The following GRIN2B variants were observed in gnomAD, a reference collection of about 807,000 sequenced individuals.
GRIN2B encodes glutamate receptor ionotropic, NMDA 2B.
In GRIN2B, 5 loss-of-function variants were observed where a neutral mutation model predicts 114.5. The ratio of observed to expected loss-of-function variants is 0.04; its 90% CI spans 0.02 to 0.09. The LOEUF (loss-of-function observed/expected upper bound fraction) is 0.09, where lower values mean the gene tolerates loss of function less well. GRIN2B is among the 10% of genes least tolerant of loss of function. The pLI is 1.00. For missense variants in GRIN2B, 1,108 were observed against 1,943.5 expected, an observed-to-expected ratio of 0.57 and a Z score of 8.08; for synonymous variants, 787 against 745.1, an observed-to-expected ratio of 1.06 and a Z score of -0.92.
chr12:13,863,969 T>A (rs1157245317), intron 3 of GRIN2B, among the ~76,000 whole-genome samples: 2 of 152,182 alleles, frequency 1.3e-5, no homozygotes, highest in African/African-American at 4.8e-5. Flanking sequence ...ACTGTTAAAA[T>A]AAAATATAAT....
At chr12:13,700,295 G>A (rs1283447581) in intron 4 of GRIN2B, among the ~76,000 whole-genome samples, 1 of 152,028 alleles carries the variant, frequency 6.6e-6, no homozygotes, top group Non-Finnish European at 1.5e-5. Flanking sequence ...CGCTAACTGT[G>A]GAATTTTTCT....
intron 5 of GRIN2B, among the ~76,000 whole-genome samples, chr12:13,622,677 G>C (rs1039631276): frequency 6.6e-6 from 1 of 152,010 alleles, no homozygotes; most frequent in African/African-American, 2.4e-5. Context: ...GCTGGCATCT[G>C]GCAAGGGCCT....
chr12:13,852,804 G>A (rs780980491), intron 3 of GRIN2B, among the ~76,000 whole-genome samples: 1 of 151,378 alleles, frequency 6.6e-6, no homozygotes, highest in African/African-American at 2.4e-5. Context: ...CTCCATCCAC[G>A]ATACTATACT....
chr12:13,887,865 C>T (rs1866192307), intron 2 of GRIN2B, among the ~76,000 whole-genome samples: 1 of 152,156 alleles, frequency 6.6e-6, no homozygotes, highest in African/African-American at 2.4e-5. Flanking sequence ...TGCTTGCCCT[C>T]TAAAATGGGA....
chr12:13,700,739 T>A (rs1033564809), intron 4 of GRIN2B, among the ~76,000 whole-genome samples: 7 of 152,184 alleles, frequency 4.6e-5, no homozygotes, highest in Admixed American at 4.6e-4. Context: ...AAGCTGTCCC[T>A]GTTGGGTCCT....
chr12:13,699,674 G>A (rs1039619474), intron 4 of GRIN2B, among the ~76,000 whole-genome samples: 25 of 151,404 alleles, frequency 1.7e-4, no homozygotes, highest in African/African-American at 2.7e-4. Flanking sequence ...TGCAACCTCC[G>A]CCTCCTGGGT....
chr12:13,864,217 C>T (rs1469866160), intron 3 of GRIN2B, among the ~76,000 whole-genome samples: 2 of 152,156 alleles, frequency 1.3e-5, no homozygotes, highest in African/African-American at 2.4e-5. Context: ...TTGACCTTTC[C>T]TAGACTGAAG....
At chr12:13,606,786 G>A (rs1949255313) in intron 10 of GRIN2B, among the ~76,000 whole-genome samples, 1 of 152,054 alleles carries the variant, frequency 6.6e-6, no homozygotes, top group Non-Finnish European at 1.5e-5. Context: ...AGATGTTGAT[G>A]AAGGAACAAT....
chr12:13,848,252 C>A (rs1282673067), intron 3 of GRIN2B, among the ~76,000 whole-genome samples: 3 of 152,160 alleles, frequency 2.0e-5, no homozygotes, highest in African/African-American at 7.2e-5. Context: ...AGTTAGAATA[C>A]AAATGCCCCT....
chr12:13,837,248 CCT>C (rs764901520), intron 3 of GRIN2B, among the ~76,000 whole-genome samples: 1 of 152,178 alleles, frequency 6.6e-6, no homozygotes, highest in Non-Finnish European at 1.5e-5. Context: ...CAAAACACAC[CCT>C]CTCTTGGCCC....
chr12:13,605,138 A>G (rs1170661411), intron 10 of GRIN2B, among the ~76,000 whole-genome samples: 1 of 150,642 alleles, frequency 6.6e-6, no homozygotes, highest in African/African-American at 2.5e-5. Context: ...AGGGTCAGAC[A>G]GAGGAATAGG....
At chr12:13,957,757 C>T (rs771281494) in intron 2 of GRIN2B, among the ~76,000 whole-genome samples, 9 of 152,172 alleles carry the variant, frequency 5.9e-5, no homozygotes, top group East Asian at 1.9e-4. Context: ...CCCTTGATGA[C>T]GATGCAGGCT....
chr12:13,802,816 T>G (rs970168645), intron 3 of GRIN2B, among the ~76,000 whole-genome samples: 1 of 152,186 alleles, frequency 6.6e-6, no homozygotes, highest in Admixed American at 6.5e-5. Context: ...ATCTGGTTAA[T>G]TTTTTCCTTG....
At chr12:13,824,738 C>G (rs1864998784) in intron 3 of GRIN2B, among the ~76,000 whole-genome samples, 1 of 151,730 alleles carries the variant, frequency 6.6e-6, no homozygotes, top group African/African-American at 2.4e-5. Flanking sequence ...TGCTTGTAAT[C>G]TCAGCTACTT....
intron 3 of GRIN2B, among the ~76,000 whole-genome samples, chr12:13,853,175 G>A (rs1431153304): frequency 6.6e-6 from 1 of 152,134 alleles, no homozygotes; most frequent in Non-Finnish European, 1.5e-5. Context: ...TTTCATTAAA[G>A]CATTCACCAC....
intron 10 of GRIN2B, among the ~76,000 whole-genome samples, chr12:13,594,946 G>A (rs531904674): frequency 8.5e-5 from 13 of 152,252 alleles, no homozygotes; most frequent in South Asian, 4.2e-4. Context: ...GCTGCCTAGC[G>A]GAAATGCCCC....
chr12:13,655,279 C>A (rs1429018708), intron 5 of GRIN2B, among the ~76,000 whole-genome samples: 1 of 152,162 alleles, frequency 6.6e-6, no homozygotes, highest in Non-Finnish European at 1.5e-5. Context: ...TCTTTTCAAG[C>A]TTGTTCTCCT....
Position 13,931,231 on chromosome 12 carries a change from T to C in GRIN2B, c.-19+48697A>G, listed in dbSNP as rs142562437. ...CATTTACTCACACTCTATTCTCCCT[T>C]TAATCCTCTACTGAAATTGCTTGCA... On this transcript the variant is annotated intron_variant, in intron 2 of 13. Coordinates refer to ENST00000609686, the MANE Select transcript of GRIN2B (RefSeq NM_000834.5). Among the ~76,000 whole-genome samples, 1,081 of 152,318 alleles carry C rather than the reference T, an allele frequency of 7.1e-3. 17 individuals carry two copies. Among genetic ancestry groups the C allele is most frequent in the African/African-American group, 0.024 (1,016 of 41,574 alleles).
chr12:13,692,760 CTTTT>C (rs71067718), intron 4 of GRIN2B, among the ~76,000 whole-genome samples: 1,293 of 52,206 alleles, frequency 0.025, 58 homozygotes, highest in Middle Eastern at 0.034. Flanking sequence ...TCTTTCTTTT[CTTTT>C]TTTTTTTTTT....
Sources: gnomAD v4.1 joint callset for allele counts (sites outside exome capture counted in the v4.1 genomes callset) on GRCh38, gnomAD v4.1.1 for gene constraint, MANE v1.5 for transcripts, NCBI Gene and HGNC (gene_info 2026-07-23, HGNC 2026-07-21) for gene names.